The following DSCAM variants were observed in gnomAD, a reference collection of about 807,000 sequenced individuals.
DSCAM encodes the protein cell adhesion molecule DSCAM.
A neutral mutation model predicts 217.7 loss-of-function variants in DSCAM; 47 were observed. The observed-to-expected ratio is 0.22, with a 90% CI of 0.17 to 0.28. The LOEUF is 0.28. DSCAM is among the 10% of genes least tolerant of loss of function. DSCAM has a pLI of 1.00. For missense variants in DSCAM, 2,080 were observed against 2,618.3 expected, an observed-to-expected ratio of 0.79 and a Z score of 4.49; for synonymous variants, 1,056 against 1,015.3, an observed-to-expected ratio of 1.04 and a Z score of -0.76.
chr21:40,248,370 G>C (rs2073256089), intron 11 of DSCAM, among the ~76,000 whole-genome samples: 1 of 152,128 alleles, frequency 6.6e-6, no homozygotes, highest in Admixed American at 6.5e-5. Context: ...GCCTTTAACA[G>C]CACCCAAGTC....
intron 3 of DSCAM, among the ~76,000 whole-genome samples, chr21:40,485,511 G>A (rs1169635245): frequency 2.0e-5 from 3 of 151,864 alleles, no homozygotes; most frequent in Non-Finnish European, 2.9e-5. Flanking sequence ...CAAAGTGCTG[G>A]GATTACAGGC....
intron 32 of DSCAM, among the ~76,000 whole-genome samples, chr21:40,023,403 C>G (rs1474680003): frequency 6.6e-6 from 1 of 151,788 alleles, no homozygotes; most frequent in Non-Finnish European, 1.5e-5. Flanking sequence ...ATGGCTGGGT[C>G]AAATGGTATT....
At chr21:40,665,207 T>C (rs1482447679) in intron 3 of DSCAM, among the ~76,000 whole-genome samples, 1 of 152,098 alleles carries the variant, frequency 6.6e-6, no homozygotes, top group African/African-American at 2.4e-5. Context: ...AGGCTGGGCA[T>C]GGGGAGGTGG....
chr21:40,785,074 C>T (rs1287970329), intron 1 of DSCAM, among the ~76,000 whole-genome samples: 1 of 152,154 alleles, frequency 6.6e-6, no homozygotes, highest in East Asian at 1.9e-4. Flanking sequence ...GCACTAAAAG[C>T]TTTTTAGAAG....
At chr21:40,665,953 T>C (rs1356224433) in intron 3 of DSCAM, among the ~76,000 whole-genome samples, 2 of 141,636 alleles carry the variant, frequency 1.4e-5, no homozygotes, top group African/African-American at 5.1e-5. Flanking sequence ...TAAGGTGACT[T>C]AGAGTGTGGA....
intron 3 of DSCAM, among the ~76,000 whole-genome samples, chr21:40,401,361 A>G (rs1325507371): frequency 1.3e-5 from 2 of 150,312 alleles, no homozygotes; most frequent in Admixed American, 1.3e-4. Context: ...ACTAATAATT[A>G]TATGGCTGCA....
At chr21:40,603,532 T>C (rs1947018965) in intron 3 of DSCAM, among the ~76,000 whole-genome samples, 1 of 152,228 alleles carries the variant, frequency 6.6e-6, no homozygotes, top group South Asian at 2.1e-4. Flanking sequence ...AAATCTGAAT[T>C]TCTGACCCAT....
intron 11 of DSCAM, among the ~76,000 whole-genome samples, chr21:40,242,502 T>C (rs552009719): frequency 2.0e-5 from 3 of 152,312 alleles, no homozygotes; most frequent in Admixed American, 6.5e-5. Context: ...TGTGGTACCA[T>C]GTGTGTCTTC....
intron 3 of DSCAM, among the ~76,000 whole-genome samples, chr21:40,577,741 C>CA (rs1192852922): frequency 2.0e-5 from 3 of 152,088 alleles, no homozygotes; most frequent in East Asian, 1.9e-4. Flanking sequence ...GTTAAGTAGG[C>CA]AAAAAGTTAA....
chr21:40,033,690 G>A (rs1474589331), intron 32 of DSCAM, among the ~76,000 whole-genome samples: 1 of 151,774 alleles, frequency 6.6e-6, no homozygotes, highest in Non-Finnish European at 1.5e-5. Context: ...AAGGAGGCCT[G>A]CCTGCCTGCC....
chr21:40,031,778 C>T (rs1029084559), intron 32 of DSCAM, among the ~76,000 whole-genome samples: 3 of 152,146 alleles, frequency 2.0e-5, no homozygotes, highest in Non-Finnish European at 4.4e-5. Flanking sequence ...TCTGCTGGCA[C>T]CAGGGCCTAA....
At chr21:40,223,654 A>T (rs1257139330) in intron 11 of DSCAM, among the ~76,000 whole-genome samples, 1 of 152,216 alleles carries the variant, frequency 6.6e-6, no homozygotes, top group Admixed American at 6.5e-5. Flanking sequence ...TTAAGTCATC[A>T]ATAGCGGTTG....
At chr21:40,414,733 T>G (rs1307341067) in intron 3 of DSCAM, among the ~76,000 whole-genome samples, 2 of 152,184 alleles carry the variant, frequency 1.3e-5, no homozygotes, top group East Asian at 1.9e-4. Context: ...ATTATCAAAG[T>G]GCAGAGAATA....
intron 28 of DSCAM, among the ~76,000 whole-genome samples, chr21:40,059,527 G>A (rs1049497874): frequency 2.0e-5 from 3 of 152,166 alleles, no homozygotes; most frequent in Non-Finnish European, 4.4e-5. Context: ...GACCTAGACT[G>A]AGTGGGTATG....
At chr21:40,141,089 G>T (rs766753346) in intron 18 of DSCAM, among the ~76,000 whole-genome samples, 1 of 152,192 alleles carries the variant, frequency 6.6e-6, no homozygotes, top group Non-Finnish European at 1.5e-5. Context: ...GCCTATGCTC[G>T]CTGAGCCAGT....
intron 3 of DSCAM, among the ~76,000 whole-genome samples, chr21:40,600,749 TC>T (rs1331148311): frequency 6.6e-6 from 1 of 152,204 alleles, no homozygotes; most frequent in Non-Finnish European, 1.5e-5. Flanking sequence ...GTGTCTAGTT[TC>T]TTTCACACAT....
At chr21:40,182,408 G>C (rs1448541841) in intron 14 of DSCAM, among the ~76,000 whole-genome samples, 1 of 152,038 alleles carries the variant, frequency 6.6e-6, no homozygotes, top group African/African-American at 2.4e-5. Flanking sequence ...TTACCTTTCA[G>C]GGTGTGACAG....
At chr21:40,305,923 G>C (rs554841113) in intron 9 of DSCAM, among the ~76,000 whole-genome samples, 1 of 152,050 alleles carries the variant, frequency 6.6e-6, no homozygotes, top group Non-Finnish European at 1.5e-5. Flanking sequence ...TTGGCGACGC[G>C]GGCTCTTTTT....
intron 11 of DSCAM, among the ~76,000 whole-genome samples, chr21:40,248,279 G>C (rs1284693640): frequency 1.3e-5 from 2 of 152,162 alleles, no homozygotes; most frequent in African/African-American, 4.8e-5. Flanking sequence ...CTCCTCAGAA[G>C]ATGGCATTTT....
Sources: gnomAD v4.1 joint callset for allele counts (sites outside exome capture counted in the v4.1 genomes callset) on GRCh38, gnomAD v4.1.1 for gene constraint, MANE v1.5 for transcripts, NCBI Gene and HGNC (gene_info 2026-07-23, HGNC 2026-07-21) for gene names.